Variants in UBL3 observed in about 807,000 individuals in gnomAD.
The protein encoded by UBL3 is ubiquitin-like protein 3.
In UBL3, 6 loss-of-function variants were observed where a neutral mutation model predicts 18.4. The ratio of observed to expected loss-of-function variants is 0.33; its 90% CI spans 0.18 to 0.64. UBL3 has a LOEUF of 0.64. Ranked by LOEUF, UBL3 falls within the 30% of genes least tolerant of loss-of-function variation. UBL3 has a pLI of 0.76. For missense variants in UBL3, 109 were observed against 142.9 expected (o/e 0.76, Z 1.21); for synonymous variants, 49 against 46.6 (o/e 1.05, Z -0.21).
At chr13:29,836,546 A>AG (rs1878967799) in intron 1 of UBL3, among the ~76,000 whole-genome samples, 1 of 151,962 alleles carries the variant, frequency 6.6e-6, no homozygotes, top group Non-Finnish European at 1.5e-5. Flanking sequence ...TCAGGACTTG[A>AG]GGAGCCAAGA....
intron 1 of UBL3, among the ~76,000 whole-genome samples, chr13:29,809,840 T>C (rs928152781): frequency 2.0e-4 from 31 of 152,130 alleles, no homozygotes; most frequent in African/African-American, 7.2e-4. Context: ...CCATATAACC[T>C]AGCACATCCT....
intron 4 of UBL3, 57 bp downstream of exon 4, chr13:29,767,561 T>C: frequency 6.3e-7 from 1 of 1,579,676 alleles, no homozygotes; most frequent in Non-Finnish European, 8.7e-7. Flanking sequence ...AAACCTAGCA[T>C]TTTTGAATGC....
chr13:29,842,951 T>A (rs1049765440), intron 1 of UBL3, among the ~76,000 whole-genome samples: 1 of 152,218 alleles, frequency 6.6e-6, no homozygotes, highest in Non-Finnish European at 1.5e-5. Flanking sequence ...TTTAAACACA[T>A]ATTATTTTTA....
At chr13:29,783,095 T>C (rs555886753) in intron 1 of UBL3, among the ~76,000 whole-genome samples, 7 of 152,342 alleles carry the variant, frequency 4.6e-5, no homozygotes, top group African/African-American at 1.7e-4. Flanking sequence ...ATGAGTGGCA[T>C]AGTATGTAGA....
intron 1 of UBL3, among the ~76,000 whole-genome samples, chr13:29,835,137 T>TAA (rs1878914723): frequency 5.2e-4 from 4 of 7,744 alleles, no homozygotes; most frequent in Non-Finnish European, 9.4e-4. Context: ...TATATATATA[T>TAA]ATATATATAT....
intron 1 of UBL3, among the ~76,000 whole-genome samples, chr13:29,798,235 A>G (rs1877667407): frequency 6.6e-6 from 1 of 152,078 alleles, no homozygotes; most frequent in Non-Finnish European, 1.5e-5. Flanking sequence ...CATGTTGGTC[A>G]GGCTGGTCTC....
At chr13:29,814,165 G>GATTTTGTGAAGTTAT (rs1207217656) in intron 1 of UBL3, among the ~76,000 whole-genome samples, 4 of 152,018 alleles carry the variant, frequency 2.6e-5, no homozygotes, top group Admixed American at 1.3e-4. Flanking sequence ...TTTTGCTGTA[G>GATTTTGTGAAGTTAT]ATTTTGTGAA....
At chr13:29,810,729 G>A (rs779107118) in intron 1 of UBL3, among the ~76,000 whole-genome samples, 4 of 152,174 alleles carry the variant, frequency 2.6e-5, no homozygotes, top group South Asian at 2.1e-4. Context: ...TTTAAATTAA[G>A]GAACATGATT....
At chr13:29,813,374 C>A (rs1464225897) in intron 1 of UBL3, among the ~76,000 whole-genome samples, 1 of 151,816 alleles carries the variant, frequency 6.6e-6, no homozygotes, top group Non-Finnish European at 1.5e-5. Context: ...TCTTTTTTTA[C>A]AATGAAAAAA....
At chr13:29,794,576 C>T (rs1877562562) in intron 1 of UBL3, among the ~76,000 whole-genome samples, 1 of 152,172 alleles carries the variant, frequency 6.6e-6, no homozygotes, top group Non-Finnish European at 1.5e-5. Context: ...TAGAGCTACG[C>T]AGTCACCAGG....
chr13:29,820,150 TGAGA>T (rs1250855862), intron 1 of UBL3, among the ~76,000 whole-genome samples: 1 of 148,950 alleles, frequency 6.7e-6, no homozygotes, highest in Admixed American at 6.7e-5. Context: ...AGAATCCCAC[TGAGA>T]GGCCCTCAGA....
At chr13:29,844,618 A>G (rs1164450150) in intron 1 of UBL3, among the ~76,000 whole-genome samples, 2 of 152,192 alleles carry the variant, frequency 1.3e-5, no homozygotes, top group Non-Finnish European at 2.9e-5. Flanking sequence ...AAGTATTCAG[A>G]AAATTTACTG....
intron 1 of UBL3, among the ~76,000 whole-genome samples, chr13:29,796,796 G>A (rs1033453300): frequency 3.3e-5 from 5 of 152,092 alleles, no homozygotes; most frequent in African/African-American, 1.2e-4. Flanking sequence ...ACCATGACTT[G>A]GTCTCCATTC....
Position 29,788,053 on chromosome 13 carries a change from T to A in UBL3, c.28-10790A>T, listed in dbSNP as rs1337554226. ...GAAATTAACCAGTATTTACTGAAGA[T>A]CAACTAGGCACCCGTTTTCTTTTGA... On this transcript the variant is annotated intron_variant, in intron 1 of 4. Transcript: ENST00000380680. 2.0e-5 allele frequency among the ~76,000 whole-genome samples: 3 copies of A among 152,194 alleles called. No homozygotes were observed. In the East Asian group the frequency reaches 5.8e-4, roughly 29 times the overall value.
intron 1 of UBL3, among the ~76,000 whole-genome samples, chr13:29,823,986 C>T (rs1170737574): frequency 2.0e-5 from 3 of 151,856 alleles, no homozygotes; most frequent in East Asian, 3.9e-4. Context: ...CGATAGTTTG[C>T]TGAGAATGAT....
Position 29,828,676 on chromosome 13 carries a change from C to G in UBL3, c.27+20836G>C, listed in dbSNP as rs893208517. Among the ~76,000 whole-genome samples the G allele has an allele frequency of 2.0e-5, 3 of 152,236 alleles. No homozygotes were observed. In the East Asian group the frequency reaches 5.8e-4, roughly 29 times the overall value. On this transcript the variant is annotated intron_variant, in intron 1 of 4. Transcript: ENST00000380680. ...CATCTGAAGCCTTCTTCTCTCAACT[C>G]GTCAAAGTCATTCTCCGTCCAGCTT...
At chr13:29,777,344 A>T (rs1309801531) in intron 1 of UBL3, 81 bp from the exon 2 acceptor site, 1 of 1,089,810 alleles carries the variant, frequency 9.2e-7, no homozygotes, top group African/African-American at 1.6e-5. Flanking sequence ...TTTTCATTTC[A>T]ATCACATCCT....
In UBL3 at chr13:29,827,156, A is replaced by G. The variant is rs538042492; in HGVS notation, c.27+22356T>C. ...CGATGTGGTGCTGAGAAGAATGTAT[A>G]TTCTGCTGATTTGCAGTGGAGAGTT... On this transcript the variant is annotated intron_variant, in intron 1 of 4. Coordinates refer to ENST00000380680, the MANE Select transcript of UBL3 (RefSeq NM_007106.4). Among the ~76,000 whole-genome samples the G allele has an allele frequency of 4.5e-4, 68 of 152,332 alleles. 2 individuals carry two copies. Among genetic ancestry groups the G allele is most frequent in the African/African-American group, 1.5e-3 (63 of 41,566 alleles).
At chr13:29,842,134 CTTTTTTTTTT>C (rs201006689) in intron 1 of UBL3, among the ~76,000 whole-genome samples, 3 of 128,030 alleles carry the variant, frequency 2.3e-5, no homozygotes, top group East Asian at 2.4e-4. Flanking sequence ...CATTCTCTTT[CTTTTTTTTTT>C]TTTTTTTTTT....
Sources: gnomAD v4.1 joint callset for allele counts (sites outside exome capture counted in the v4.1 genomes callset) on GRCh38, gnomAD v4.1.1 for gene constraint, MANE v1.5 for transcripts, NCBI Gene and HGNC (gene_info 2026-07-23, HGNC 2026-07-21) for gene names.